STX16: variants seen among roughly 807,000 people sequenced by gnomAD.
STX16 encodes the protein syntaxin-16.
STX16 carries 28 observed loss-of-function variants against 42.7 expected under a neutral mutation model. The ratio of observed to expected loss-of-function variants is 0.66; its 90% CI spans 0.49 to 0.90. The LOEUF is 0.90. STX16 is among the 40% of genes least tolerant of loss of function. STX16 has a pLI of 0.00. For missense variants in STX16, 361 were observed against 420.9 expected (o/e 0.86, Z 1.24); for synonymous variants, 156 against 155.2 (o/e 1.00, Z -0.04).
At chr20:58,670,370 T>G in intron 5 of STX16, 142 bp from the exon 6 acceptor site, 1 of 621,974 alleles carries the variant, frequency 1.6e-6, no homozygotes, top group East Asian at 2.9e-5. Context: ...TCCACCCCCA[T>G]TGGAGATAGG....
chr20:58,662,500 T>C (rs1339557292), intron 2 of STX16, among the ~76,000 whole-genome samples: 2 of 152,168 alleles, frequency 1.3e-5, no homozygotes, highest in Non-Finnish European at 2.9e-5. Context: ...TATCTCTATA[T>C]TTTTTGTATC....
rs545038077 is a variant in STX16, at chr20:58,669,803, T to C, written c.556+350T>C. 3.9e-5 allele frequency among the ~76,000 whole-genome samples: 6 copies of C among 152,322 alleles called. No individual in the cohort carries two copies. In the South Asian group the frequency reaches 8.3e-4, roughly 21 times the overall value. The stretch of plus-strand genomic sequence containing the variant: ...GGGGTTTGGGAGAGCTGCTCTTCAA[T>C]AGGTAAAAAGCAGTTGTTATTACTG... On this transcript the variant is annotated intron_variant, in intron 5 of 8. Coordinates refer to ENST00000371141, the MANE Select transcript of STX16 (RefSeq NM_001001433.3).
At chr20:58,656,723 G>T (rs1023610047) in intron 1 of STX16, among the ~76,000 whole-genome samples, 1 of 152,194 alleles carries the variant, frequency 6.6e-6, no homozygotes, top group Non-Finnish European at 1.5e-5. Context: ...AATAAAATGT[G>T]TGCTTTAGGA....
intron 1 of STX16, among the ~76,000 whole-genome samples, chr20:58,658,372 G>A (rs952700073): frequency 1.8e-4 from 27 of 152,070 alleles, no homozygotes; most frequent in African/African-American, 6.5e-4. Flanking sequence ...CTTTCCATTT[G>A]ATTTATTAAT....
In STX16 at chr20:58,679,177, T is replaced by G. The variant is rs1168890494; in HGVS notation, c.*2886T>G. On this transcript the variant is annotated 3_prime_UTR_variant, in exon 9 of 9. Coordinates refer to ENST00000371141, the MANE Select transcript of STX16 (RefSeq NM_001001433.3). ...TTGTTCGTTTTGGGGGTGGTGGTGC[T>G]GGCTGGGCCATGCTTGTGAAGTGAT... The G allele has an allele frequency of 6.6e-6, 1 of 152,410 alleles. No homozygotes were observed. Among genetic ancestry groups the G allele is most frequent in the Non-Finnish European group, 1.5e-5 (1 of 68,052 alleles). The allele number at this position is 152,410 out of a possible 1,614,324, so 9.4% of individuals were successfully genotyped here.
In STX16 at chr20:58,669,333, C is replaced by T. The variant is rs1439711006; in HGVS notation, c.436C>T (p.Arg146Trp). 6.2e-6 allele frequency: 10 copies of T among 1,611,986 alleles called. No homozygotes were observed. The highest frequency in any genetic ancestry group is 3.3e-5 in the Admixed American group (2 of 59,962). Residue 146 changes from arginine (R) to tryptophan (W), a missense_variant, in exon 5 of 9, where the codon CGG becomes TGG. Arg to Trp is a moderately radical substitution (Grantham distance 101, BLOSUM62 -3). Coordinates refer to ENST00000371141, the MANE Select transcript of STX16 (RefSeq NM_001001433.3). Reference sequence around the variant, plus strand: ...GCGTGCCGTGCAGGCCCTGCCGAGCCGGGCCCGGGCCTGCTCCGAGCAGGA... The same window carrying T: ...GCGTGCCGTGCAGGCCCTGCCGAGCTGGGCCCGGGCCTGCTCCGAGCAGGA... ...CQRAVQALPS[R>W]ARACSEQEGR... is the part of the protein sequence containing the mutation.
intron 2 of STX16, among the ~76,000 whole-genome samples, chr20:58,666,468 G>T (rs980657482): frequency 3.2e-5 from 4 of 125,920 alleles, no homozygotes; most frequent in Non-Finnish European, 4.8e-5. Flanking sequence ...CGCTCTTGTT[G>T]CCCTGGCTGG....
rs560227312 is a variant in STX16 at position 58,651,932 on chromosome 20, C to G, written c.-75C>G. On this transcript the variant is annotated 5_prime_UTR_variant, in exon 1 of 9. Transcript: ENST00000371141. ...GTGAAAGGGTGGGCCAGCCGGGCCACGAGAAAGAAAGTGAATAAATCAGGA... is the reference window on the plus strand; with the variant it reads ...GTGAAAGGGTGGGCCAGCCGGGCCAGGAGAAAGAAAGTGAATAAATCAGGA... 1.4e-5 allele frequency: 21 copies of G among 1,521,484 alleles called. No homozygotes were observed. The South Asian group carries it at 2.4e-4, about 18-fold the overall frequency. The allele number at this position is 1,521,484 out of a possible 1,614,324, so 94.2% of individuals were successfully genotyped here.
rs2084156194 is a variant in STX16 at position 58,677,394 on chromosome 20, C to T, written c.*1103C>T. 1 of 152,642 alleles carries T rather than the reference C, an allele frequency of 6.6e-6. No individual in the cohort carries two copies. The allele number at this position is 152,642 out of a possible 1,614,324, so 9.5% of individuals were successfully genotyped here. A position where few individuals can be genotyped will look rare whatever the true frequency, so the allele number is the denominator to read the frequency against. On this transcript the variant is annotated 3_prime_UTR_variant, in exon 9 of 9. Coordinates refer to ENST00000371141, the MANE Select transcript of STX16 (RefSeq NM_001001433.3). The stretch of plus-strand genomic sequence containing the variant: ...CTGAGCAATGCCCAGGAAGCAGGCA[C>T]ATTGCCAAGGACTGGGGGCATCTTG...
chr20:58,673,631 G>C lies in STX16; in HGVS notation c.793G>C (p.Gly265Arg). Residue 265 changes from glycine (G) to arginine (R), a missense_variant and splice_region_variant, in exon 8 of 9, where the codon GGT becomes CGT. Transcript: ENST00000371141. ...RDLGAMIVEQ[G>R]TVLDRIDYNV... ...TCTGTAACTGTCATTTATTACCTAG[G>C]GTACAGTCCTTGACAGAATTGACTA... 2 of 1,606,528 alleles carry C rather than the reference G, an allele frequency of 1.2e-6. No homozygotes were observed. The highest frequency in any genetic ancestry group is 1.7e-6 in the Non-Finnish European group (2 of 1,173,984).
chr20:58,653,200 T>G (rs2083511822), intron 1 of STX16, among the ~76,000 whole-genome samples: 1 of 152,210 alleles, frequency 6.6e-6, no homozygotes, highest in African/African-American at 2.4e-5. Context: ...GGGTTATACT[T>G]GATATTAGGC....
chr20:58,663,329 A>G (rs1016444881), intron 2 of STX16, among the ~76,000 whole-genome samples: 19 of 152,358 alleles, frequency 1.2e-4, no homozygotes, highest in African/African-American at 4.3e-4. Flanking sequence ...GAACAGCAAG[A>G]TTTATAAGAG....
In STX16 at chr20:58,669,646, G is replaced by A. The variant is rs1001095144; in HGVS notation, c.556+193G>A. On this transcript the variant is annotated intron_variant, in intron 5 of 8. Transcript: ENST00000371141. ...GCTTGGAATGAAGGCACAGCGTGGG[G>A]TACCGACCAAGGCTGGGGGAGGGCA... Among the ~76,000 whole-genome samples, 11 of 152,116 alleles carry A rather than the reference G, an allele frequency of 7.2e-5. No individual in the cohort carries two copies. In the South Asian group the frequency reaches 2.3e-3, roughly 32 times the overall value.
chr20:58,669,805 G>A (rs1345917333), intron 5 of STX16, among the ~76,000 whole-genome samples: 1 of 152,146 alleles, frequency 6.6e-6, no homozygotes, highest in African/African-American at 2.4e-5. Context: ...CTCTTCAATA[G>A]GTAAAAAGCA....
chr20:58,677,092 A>G lies in STX16; in HGVS notation c.*801A>G, dbSNP rs1056823282. On this transcript the variant is annotated 3_prime_UTR_variant, in exon 9 of 9. Transcript: ENST00000371141. ...TGATTTAAATGAATCTCACATTAAA[A>G]GAAAGCTTGACAGTGTTATGAAAGC... The G allele has an allele frequency of 3.9e-5, 6 of 152,686 alleles. No individual in the cohort carries two copies. Among genetic ancestry groups the G allele is most frequent in the Non-Finnish European group, 7.3e-5 (5 of 68,044 alleles). 9.5% of individuals were successfully genotyped at this position (152,686 alleles called of 1,614,324 possible). A position where few individuals can be genotyped will look rare whatever the true frequency, so the allele number is the denominator to read the frequency against.
chr20:58,653,612 A>T (rs1451798034), intron 1 of STX16, among the ~76,000 whole-genome samples: 1 of 152,232 alleles, frequency 6.6e-6, no homozygotes, highest in Non-Finnish European at 1.5e-5. Flanking sequence ...GCTAATTTTG[A>T]AGAAGAAATA....
Position 58,669,308 on chromosome 20 carries a change from G to C in STX16, c.411G>C (p.Gln137His). Reference sequence around the variant, plus strand: ...TCTCTTAGCTCTTCCACAGGTGCCAGCGTGCCGTGCAGGCCCTGCCGAGCC... The same window carrying C: ...TCTCTTAGCTCTTCCACAGGTGCCACCGTGCCGTGCAGGCCCTGCCGAGCC... ...QEITQLFHRC[Q>H]RAVQALPSRA... is the part of the protein sequence containing the mutation. The change falls in exon 5 of 9, where the codon CAG (glutamine) becomes CAC (histidine). Residue 137 changes from glutamine (Q) to histidine (H), a missense_variant. Transcript: ENST00000371141. The C allele has an allele frequency of 6.2e-7, 1 of 1,611,290 alleles. No homozygotes were observed. The highest frequency in any genetic ancestry group is 1.3e-5 in the African/African-American group (1 of 75,006).
chr20:58,670,171 AC>A (rs2083935054), intron 5 of STX16, among the ~76,000 whole-genome samples: 1 of 152,246 alleles, frequency 6.6e-6, no homozygotes, highest in Non-Finnish European at 1.5e-5. Context: ...AGAGAGAAAT[AC>A]TGATTTTTTA....
At chr20:58,664,388 A>G (rs968009934) in intron 2 of STX16, among the ~76,000 whole-genome samples, 1 of 152,234 alleles carries the variant, frequency 6.6e-6, no homozygotes, top group Non-Finnish European at 1.5e-5. Flanking sequence ...ATAATGAACT[A>G]TAGCTATAGA....
Sources: allele counts gnomAD v4.1 joint callset (sites outside exome capture counted in the v4.1 genomes callset), GRCh38; gene constraint gnomAD v4.1.1; transcripts MANE v1.5; gene names NCBI Gene and HGNC (gene_info 2026-07-23, HGNC 2026-07-21).